Variants in TLN2 observed in about 807,000 individuals in gnomAD.
The protein encoded by TLN2 is talin-2.
Under a neutral mutation model 294.7 loss-of-function variants are expected in TLN2, and 118 were observed. The ratio of observed to expected loss-of-function variants is 0.40; its 90% CI spans 0.34 to 0.47. The LOEUF is 0.47. TLN2 is among the 20% of genes least tolerant of loss of function. The pLI is 0.84. For missense variants in TLN2, 3,083 were observed against 3,282.2 expected (o/e 0.94, Z 1.48); for synonymous variants, 1,431 against 1,304.5 (o/e 1.10, Z -2.09).
chr15:62,497,802 G>C (rs568912685), intron 1 of TLN2, among the ~76,000 whole-genome samples: 2 of 152,230 alleles, frequency 1.3e-5, no homozygotes, highest in South Asian at 2.1e-4. Flanking sequence ...TCCAGTGCTT[G>C]TCTGGTTCCT....
chr15:62,619,261 C>T (rs1448475637), intron 3 of TLN2, among the ~76,000 whole-genome samples: 2 of 152,220 alleles, frequency 1.3e-5, no homozygotes, highest in Non-Finnish European at 2.9e-5. Flanking sequence ...TGACACAGCT[C>T]TGCTCTGTTA....
chr15:62,799,856 C>CG (rs2065802423), intron 48 of TLN2, among the ~76,000 whole-genome samples: 1 of 152,206 alleles, frequency 6.6e-6, no homozygotes, highest in East Asian at 1.9e-4. Context: ...CCAGTTAGAA[C>CG]AATGAGCAAA....
chr15:62,724,497 CT>C (rs1296779027), intron 26 of TLN2, among the ~76,000 whole-genome samples: 5 of 152,154 alleles, frequency 3.3e-5, no homozygotes, highest in Admixed American at 6.5e-5. Context: ...ATTTTGTAAT[CT>C]TCAGTACAGA....
At position 62,833,582 on chromosome 15, in the gene TLN2, G is replaced by A; in HGVS notation, c.7081G>A (p.Val2361Ile). 1 of 1,614,142 alleles carries A rather than the reference G, an allele frequency of 6.2e-7. No homozygotes were observed. Among genetic ancestry groups the A allele is most frequent in the South Asian group, 1.1e-5 (1 of 91,080 alleles). Reference sequence around the variant, plus strand: ...CATTGCTGCTGCCACAAGCGCCCTGGTCAAATCGGCCTCAGCAGCCCAGAG... The same window carrying A: ...CATTGCTGCTGCCACAAGCGCCCTGATCAAATCGGCCTCAGCAGCCCAGAG... ...KSIAAATSAL[V>I]KSASAAQREL... Residue 2361 changes from valine (V) to isoleucine (I), a missense_variant, in exon 55 of 59, where the codon GTC (valine) becomes ATC (isoleucine). Val to Ile is a conservative substitution (Grantham distance 29). Coordinates refer to ENST00000636159, the MANE Select transcript of TLN2 (RefSeq NM_015059.3).
chr15:62,469,967 C>CGA (rs34584473), intron 1 of TLN2, among the ~76,000 whole-genome samples: 11,724 of 151,538 alleles, frequency 0.077, 521 homozygotes, highest in Non-Finnish European at 0.092. Context: ...AGAGAGAGAG[C>CGA]GAGAGAGAGA....
At chr15:62,515,485 C>G (rs2040142103) in intron 1 of TLN2, among the ~76,000 whole-genome samples, 1 of 152,184 alleles carries the variant, frequency 6.6e-6, no homozygotes, top group Non-Finnish European at 1.5e-5. Context: ...TTCTCCTTTT[C>G]TTTGAAATAT....
At chr15:62,432,563 G>C (rs1386103192) in intron 1 of TLN2, among the ~76,000 whole-genome samples, 1 of 152,194 alleles carries the variant, frequency 6.6e-6, no homozygotes, top group Non-Finnish European at 1.5e-5. Context: ...ACCATATTGA[G>C]ATGATGTATG....
intron 32 of TLN2, among the ~76,000 whole-genome samples, chr15:62,743,741 T>C (rs1472739947): frequency 6.6e-6 from 1 of 152,202 alleles, no homozygotes; most frequent in Non-Finnish European, 1.5e-5. Flanking sequence ...ATCCTACCTC[T>C]GAACACCTTC....
At chr15:62,615,171 G>C (rs1184187455) in intron 2 of TLN2, among the ~76,000 whole-genome samples, 2 of 152,160 alleles carry the variant, frequency 1.3e-5, no homozygotes, top group Non-Finnish European at 2.9e-5. Context: ...CTGAGAACAG[G>C]CTTCTTTATA....
intron 1 of TLN2, among the ~76,000 whole-genome samples, chr15:62,482,602 C>CAAAAA (rs781297837): frequency 2.8e-4 from 21 of 75,734 alleles, no homozygotes; most frequent in African/African-American, 6.6e-4. Context: ...AACGTTGTCT[C>CAAAAA]AAAAAAAAAA....
chr15:62,785,964 G>T (rs1220109328), intron 45 of TLN2, among the ~76,000 whole-genome samples: 1 of 152,232 alleles, frequency 6.6e-6, no homozygotes, highest in African/African-American at 2.4e-5. Flanking sequence ...CCCTGCATTT[G>T]CAGCAGCTGA....
intron 32 of TLN2, among the ~76,000 whole-genome samples, chr15:62,741,582 T>A (rs2061321278): frequency 6.6e-6 from 1 of 152,234 alleles, no homozygotes; most frequent in South Asian, 2.1e-4. Context: ...TTATTTACCA[T>A]CATATTACGT....
intron 32 of TLN2, among the ~76,000 whole-genome samples, chr15:62,744,831 T>C (rs8043190): frequency 0.98 from 149,901 of 152,328 alleles, 73,807 homozygotes; most frequent in Middle Eastern, 1. Flanking sequence ...TAGGCGTGAG[T>C]CACCGCGCCT....
At chr15:62,630,584 T>C (rs1002878607) in intron 3 of TLN2, among the ~76,000 whole-genome samples, 14 of 152,268 alleles carry the variant, frequency 9.2e-5, no homozygotes, top group African/African-American at 2.6e-4. Flanking sequence ...TGTTTTGACA[T>C]TGATTTTTTT....
At chr15:62,563,161 G>C (rs1272091386) in intron 1 of TLN2, among the ~76,000 whole-genome samples, 6 of 152,102 alleles carry the variant, frequency 3.9e-5, no homozygotes, top group Admixed American at 3.9e-4. Flanking sequence ...GTTCTTTAGG[G>C]AATCTCCATC....
At chr15:62,701,077 T>C (rs754941994) in intron 16 of TLN2, 29 bp from the exon 17 acceptor site, 3 of 1,591,378 alleles carry the variant, frequency 1.9e-6, no homozygotes, top group South Asian at 1.1e-5. Context: ...TGTGCTGTGA[T>C]TGTGTTGTGC....
chr15:62,694,777 T>C (rs112591299), intron 14 of TLN2, among the ~76,000 whole-genome samples: 1,703 of 151,988 alleles, frequency 0.011, 44 homozygotes, highest in African/African-American at 0.038. Flanking sequence ...GAGGAGGGAG[T>C]GCAGCCAGTG....
chr15:62,809,157 C>A (rs781058856), intron 51 of TLN2, among the ~76,000 whole-genome samples: 6 of 152,136 alleles, frequency 3.9e-5, no homozygotes, highest in South Asian at 2.1e-4. Context: ...CCCATACTTG[C>A]TAAAAATTTT....
chr15:62,762,541 G>A, intron 39 of TLN2, 88 bp downstream of exon 39: 3 of 1,374,796 alleles, frequency 2.2e-6, no homozygotes, highest in Non-Finnish European at 3.0e-6. Context: ...ACTTAATAGT[G>A]ATATTGTTGA....
Sources: allele counts gnomAD v4.1 joint callset (sites outside exome capture counted in the v4.1 genomes callset), GRCh38; gene constraint gnomAD v4.1.1; transcripts MANE v1.5; gene names NCBI Gene and HGNC (gene_info 2026-07-23, HGNC 2026-07-21).